BCO1: variants seen among roughly 807,000 people sequenced by gnomAD.
BCO1 encodes the protein beta,beta-carotene 15,15'-dioxygenase.
BCO1 carries 54 observed loss-of-function variants against 56.3 expected under a neutral mutation model. The observed-to-expected ratio is 0.96, with a 90% CI of 0.77 to 1.20. The LOEUF (loss-of-function observed/expected upper bound fraction) is 1.20. Among genes scored for constraint, BCO1 ranks in the 50% most tolerant of loss-of-function variants. The probability of loss-of-function intolerance (pLI) is 0.00; values close to 1 mark genes in which losing one functional copy is unlikely to be tolerated. For synonymous variants in BCO1, 318 were observed against 266.1 expected, an observed-to-expected ratio of 1.20 and a Z score of -1.90; for missense variants, 801 against 690.9, an observed-to-expected ratio of 1.16 and a Z score of -1.79.
intron 2 of BCO1, among the ~76,000 whole-genome samples, chr16:81,251,871 T>C (rs888504401): frequency 1.3e-4 from 17 of 133,988 alleles, no homozygotes; most frequent in African/African-American, 2.2e-4. Context: ...CACACACACA[T>C]ATATGTGTGT....
intron 7 of BCO1, among the ~76,000 whole-genome samples, chr16:81,271,792 C>A (rs986143959): frequency 6.6e-6 from 1 of 152,164 alleles, no homozygotes; most frequent in Admixed American, 6.6e-5. Flanking sequence ...CTCTGCCGCC[C>A]AGGCTGGAGT....
At chr16:81,255,302 A>C (rs543106981) in intron 2 of BCO1, among the ~76,000 whole-genome samples, 83 of 151,992 alleles carry the variant, frequency 5.5e-4, no homozygotes, top group Non-Finnish European at 1.1e-3. Context: ...CCAGATTACC[A>C]CTCGCTAGCT....
chr16:81,251,615 G>A (rs1905802786), intron 2 of BCO1, among the ~76,000 whole-genome samples: 1 of 151,760 alleles, frequency 6.6e-6, no homozygotes, highest in African/African-American at 2.4e-5. Context: ...AACAAAAAAA[G>A]CAGAGTACAG....
chr16:81,286,677 C>G (rs1289666386), intron 9 of BCO1, among the ~76,000 whole-genome samples: 2 of 151,800 alleles, frequency 1.3e-5, no homozygotes, highest in Non-Finnish European at 2.9e-5. Context: ...TAGCAAGACC[C>G]TGTCTCTATA....
chr16:81,238,924 G>A lies in BCO1; in HGVS notation c.16G>A (p.Gly6Ser), dbSNP rs763179209. 4 of 1,613,996 alleles carry A rather than the reference G, an allele frequency of 2.5e-6. No homozygotes were observed. Among genetic ancestry groups the A allele is most frequent in the Non-Finnish European group, 3.4e-6 (4 of 1,179,978 alleles). Reference sequence around the variant, plus strand: ...ACCCTGAGCAATGGATATAATATTTGGCAGGAATAGGAAAGAACAGCTGGA... The same window carrying A: ...ACCCTGAGCAATGGATATAATATTTAGCAGGAATAGGAAAGAACAGCTGGA... MDIIFGRNRKEQLEPV... is the reference protein window; with the variant it reads MDIIFSRNRKEQLEPV... Residue 6 changes from glycine to serine, a missense_variant, in exon 1 of 11, where the codon GGC (glycine) becomes AGC (serine). Physicochemically the swap from Gly to Ser is moderately conservative, Grantham distance 56. Coordinates refer to ENST00000258168, the MANE Select transcript of BCO1 (RefSeq NM_017429.3).
intron 7 of BCO1, among the ~76,000 whole-genome samples, chr16:81,274,120 G>A (rs1205780288): frequency 6.6e-6 from 1 of 152,138 alleles, no homozygotes; most frequent in Non-Finnish European, 1.5e-5. Flanking sequence ...TCTCAAGGCT[G>A]ACCTCAGCCT....
intron 2 of BCO1, among the ~76,000 whole-genome samples, chr16:81,247,132 C>T (rs563284563): frequency 2.2e-4 from 33 of 152,242 alleles, no homozygotes; most frequent in South Asian, 4.1e-4. Flanking sequence ...ATGGATTTAG[C>T]GGGCTTCGGG....
At chr16:81,260,531 G>A (rs1906420080) in intron 3 of BCO1, among the ~76,000 whole-genome samples, 1 of 151,748 alleles carries the variant, frequency 6.6e-6, no homozygotes, top group South Asian at 2.1e-4. Context: ...TATTTAAGAT[G>A]GAGTTTCACT....
At chr16:81,245,668 AC>A (rs1355431509) in intron 2 of BCO1, 65 bp downstream of exon 2, 1 of 1,602,894 alleles carries the variant, frequency 6.2e-7, no homozygotes, top group Admixed American at 1.7e-5. Flanking sequence ...GTGCCTTAAA[AC>A]AGCACAAATT....
chr16:81,252,645 G>C (rs896680840), intron 2 of BCO1, among the ~76,000 whole-genome samples: 3 of 152,212 alleles, frequency 2.0e-5, no homozygotes, highest in African/African-American at 7.2e-5. Context: ...AGTAACCAGT[G>C]AAAGACAGGC....
chr16:81,248,766 C>G (rs1210446041), intron 2 of BCO1, among the ~76,000 whole-genome samples: 1 of 152,128 alleles, frequency 6.6e-6, no homozygotes, highest in Non-Finnish European at 1.5e-5. Context: ...AATCCCAGCA[C>G]TTTGGGGAGC....
chr16:81,248,938 A>G lies in BCO1; in HGVS notation c.193+3335A>G, dbSNP rs149154067. ...GAGATAGGATAATTGCTTGAACTCA[A>G]GAGGCAGAGGCTGTGGTGAGTTGAG... On this transcript the variant is annotated intron_variant, in intron 2 of 10. Transcript: ENST00000258168. Among the ~76,000 whole-genome samples, 600 of 152,204 alleles carry G rather than the reference A, an allele frequency of 3.9e-3. 3 individuals are homozygous for G. Among genetic ancestry groups the G allele is most frequent in the African/African-American group, 0.013 (558 of 41,544 alleles).
Position 81,238,912 on chromosome 16 carries a change from G to A in BCO1, c.4G>A (p.Asp2Asn). 1 of 1,614,052 alleles carries A rather than the reference G, an allele frequency of 6.2e-7. No homozygotes were observed. The highest frequency in any genetic ancestry group is 8.5e-7 in the Non-Finnish European group (1 of 1,179,980). M[D>N]IIFGRNRKEQ... The stretch of plus-strand genomic sequence containing the variant: ...ATCTCCCTCGGCACCCTGAGCAATG[G>A]ATATAATATTTGGCAGGAATAGGAA... The change falls in exon 1 of 11, where the codon GAT becomes AAT. Residue 2 changes from aspartate to asparagine, a missense_variant. Asp to Asn is a conservative substitution (Grantham distance 23). Transcript: ENST00000258168.
chr16:81,272,350 C>T (rs529725944), intron 7 of BCO1, among the ~76,000 whole-genome samples: 3 of 151,120 alleles, frequency 2.0e-5, no homozygotes, highest in African/African-American at 7.3e-5. Context: ...AACCTCCTGA[C>T]CTCATGATCC....
chr16:81,254,883 A>C (rs930988902), intron 2 of BCO1, among the ~76,000 whole-genome samples: 40 of 151,382 alleles, frequency 2.6e-4, no homozygotes, highest in Non-Finnish European at 4.4e-4. Context: ...TGTAGCCTTG[A>C]CCTCCCAGGC....
Position 81,259,681 on chromosome 16 carries a change from G to C in BCO1, c.199G>C (p.Val67Leu). Residue 67 changes from valine (V) to leucine (L), a missense_variant, in exon 3 of 11, where the codon GTC becomes CTC. Physicochemically the swap from Val to Leu is conservative, Grantham distance 32 (BLOSUM62 1). Transcript: ENST00000258168. The stretch of plus-strand genomic sequence containing the variant: ...TGCTGGTTCTTCTCTTGCAGGTGAA[G>C]TCTATTACAGGAGCAAATACCTGAG... Reference protein sequence around the residue: ...LHSFTIRDGEVYYRSKYLRSD... With the variant: ...LHSFTIRDGELYYRSKYLRSD... 1.2e-6 allele frequency: 2 copies of C among 1,614,180 alleles called. No homozygotes were observed. The highest frequency in any genetic ancestry group is 1.7e-6 in the Non-Finnish European group (2 of 1,180,024).
Position 81,259,712 on chromosome 16 carries a change from A to G in BCO1, c.230A>G (p.Asp77Gly), listed in dbSNP as rs1206529401. Residue 77 changes from aspartate (D) to glycine (G), a missense_variant, in exon 3 of 11, where the codon GAT becomes GGT. Asp to Gly is a moderately conservative substitution (Grantham distance 94). Transcript: ENST00000258168. ...TACAGGAGCAAATACCTGAGAAGCG[A>G]TACCTACAACACCAATATTGAGGCA... The part of the protein sequence containing the change: ...VYYRSKYLRS[D>G]TYNTNIEANR... The G allele has an allele frequency of 1.2e-5, 19 of 1,614,212 alleles. No homozygotes were observed. The highest frequency in any genetic ancestry group is 1.5e-5 in the Non-Finnish European group (18 of 1,180,038).
chr16:81,281,003 G>C (rs1344723377), intron 8 of BCO1, 41 bp downstream of exon 8: 16 of 1,451,604 alleles, frequency 1.1e-5, no homozygotes, highest in Non-Finnish European at 1.4e-5. Context: ...GAAAGGGGCA[G>C]ATTTTCACAG....
chr16:81,239,218 T>C (rs1328484170), intron 1 of BCO1, among the ~76,000 whole-genome samples: 1 of 151,942 alleles, frequency 6.6e-6, no homozygotes, highest in African/African-American at 2.4e-5. Context: ...GGTTTCAGCA[T>C]GTTGGCCAGG....
Sources: allele counts gnomAD v4.1 joint callset (sites outside exome capture counted in the v4.1 genomes callset), GRCh38; gene constraint gnomAD v4.1.1; transcripts MANE v1.5; gene names NCBI Gene and HGNC (gene_info 2026-07-23, HGNC 2026-07-21).